Variants in MYO7A observed in about 807,000 individuals in gnomAD.
MYO7A encodes the protein myosin VIIA.
In MYO7A, 210 loss-of-function variants were observed where a neutral mutation model predicts 263.8. The observed-to-expected ratio is 0.80, with a 90% CI of 0.71 to 0.89. The LOEUF (loss-of-function observed/expected upper bound fraction) is 0.89. Ranked by LOEUF, MYO7A falls within the 40% of genes least tolerant of loss-of-function variation. The pLI, the probability that MYO7A is intolerant of heterozygous loss-of-function variation, is 0.00. For missense variants in MYO7A, 2,820 were observed against 2,968.3 expected (o/e 0.95, Z 1.16); for synonymous variants, 1,239 against 1,197.3 (o/e 1.03, Z -0.72).
intron 18 of MYO7A, 145 bp from the exon 19 acceptor site, chr11:77,177,404 G>T (rs1022532182): frequency 1.2e-5 from 8 of 659,080 alleles, no homozygotes; most frequent in Non-Finnish European, 2.1e-5. Flanking sequence ...GCTGCCCCAG[G>T]GGCCAGAGCC....
Position 77,175,474 on chromosome 11 carries a change from G to A in MYO7A, c.2187+10G>A, listed in dbSNP as rs781901819. The stretch of plus-strand genomic sequence containing the variant: ...CAAGATCTTTCTGAAGGTGAGCACA[G>A]ATGCCTTCCCTGGGCTGCCCTGGGG... On this transcript the variant is annotated intron_variant, in intron 18 of 48. Coordinates refer to ENST00000409709, the MANE Select transcript of MYO7A (RefSeq NM_000260.4). 2 of 1,612,546 alleles carry A rather than the reference G, an allele frequency of 1.2e-6. No individual in the cohort carries two copies. The highest frequency in any genetic ancestry group is 3.3e-5 in the Admixed American group (2 of 60,026).
At chr11:77,207,451 AGGAACTT>A (rs770589451) in intron 42 of MYO7A, 49 bp downstream of exon 42, 2 of 1,352,670 alleles carry the variant, frequency 1.5e-6, no homozygotes, top group African/African-American at 2.9e-5. Flanking sequence ...CTGGGGCCAT[AGGAACTT>A]ACGGACAGCA....
chr11:77,195,978 C>T (rs577873650), intron 32 of MYO7A, among the ~76,000 whole-genome samples: 1 of 152,370 alleles, frequency 6.6e-6, no homozygotes, highest in Non-Finnish European at 1.5e-5. Context: ...GATGTGTGCA[C>T]ATGCACGTCT....
intron 38 of MYO7A, among the ~76,000 whole-genome samples, 195 bp downstream of exon 38, chr11:77,203,412 G>C (rs981685732): frequency 1.3e-5 from 2 of 152,244 alleles, no homozygotes; most frequent in African/African-American, 4.8e-5. Flanking sequence ...TGTCATTTGG[G>C]TGCCAGGTGG....
chr11:77,129,869 C>A (rs1475304018), intron 1 of MYO7A, among the ~76,000 whole-genome samples: 1 of 152,192 alleles, frequency 6.6e-6, no homozygotes, highest in Non-Finnish European at 1.5e-5. Flanking sequence ...AACAGTGAGT[C>A]ACTGAGGATG....
Position 77,212,888 on chromosome 11 carries a change from C to A in MYO7A, c.6355-64C>A. On this transcript the variant is annotated intron_variant, in intron 46 of 48. Transcript: ENST00000409709. ...ATCCCAGCTGGGGCCAGGCTTCATT[C>A]CTGTCCCCAAATGCTTTTCTTGCTC... The A allele has an allele frequency of 1.0e-5, 13 of 1,305,862 alleles. No homozygotes were observed. The South Asian group carries it at 1.5e-4, about 15-fold the overall frequency. 80.9% of individuals were successfully genotyped at this position (1,305,862 alleles called of 1,614,324 possible).
chr11:77,190,353 G>A lies in MYO7A; in HGVS notation c.3750+214G>A, dbSNP rs552650205. Among the ~76,000 whole-genome samples the A allele has an allele frequency of 1.1e-4, 17 of 152,304 alleles. No homozygotes were observed. The South Asian group carries it at 1.5e-3, about 13-fold the overall frequency. On this transcript the variant is annotated intron_variant, in intron 29 of 48. Transcript: ENST00000409709. ...GAGGGACTCCATTTGCTGGCCTTAC[G>A]GTCAAGACGACTTGGGCAAAGGAGA...
At chr11:77,177,690 G>A (rs374556009) in intron 19 of MYO7A, 47 bp downstream of exon 19, 3 of 1,498,896 alleles carry the variant, frequency 2.0e-6, no homozygotes, top group Non-Finnish European at 2.7e-6. Context: ...ACATACAGGT[G>A]TACGTGTGGT....
In MYO7A at chr11:77,156,890, T is replaced by C. The variant is rs782148882; in HGVS notation, c.621T>C (p.Asn207=). The part of the protein sequence containing the change: ...EAFGNAKTIR[N]DNSSRFGKYI... ...TTGGGAATGCCAAGACCATCCGCAA[T>C]GACAACTCAAGCCGTTTCGGAAAGT... is the stretch of plus-strand genomic sequence containing the variant. Residue 207 remains asparagine, a synonymous_variant, in exon 7 of 49, where the codon AAT becomes AAC. Coordinates refer to ENST00000409709, the MANE Select transcript of MYO7A (RefSeq NM_000260.4). The C allele has an allele frequency of 6.2e-7, 1 of 1,613,952 alleles. No individual in the cohort carries two copies. The highest frequency in any genetic ancestry group is 1.1e-5 in the South Asian group (1 of 91,080).
At chr11:77,140,274 C>CA (rs1208460794) in intron 2 of MYO7A, among the ~76,000 whole-genome samples, 1 of 152,218 alleles carries the variant, frequency 6.6e-6, no homozygotes, top group Non-Finnish European at 1.5e-5. Flanking sequence ...AGCTTGCCTT[C>CA]AGGGCCCTTG....
chr11:77,132,388 G>A (rs544269593), intron 2 of MYO7A, among the ~76,000 whole-genome samples: 1 of 152,164 alleles, frequency 6.6e-6, no homozygotes, highest in East Asian at 2.0e-4. Context: ...GTCCAGGGAA[G>A]CAGATGAAGG....
rs1555077227 is a variant in MYO7A at position 77,172,833 on chromosome 11, G to A, written c.1883G>A (p.Cys628Tyr). 1.3e-6 allele frequency: 2 copies of A among 1,552,534 alleles called. No individual in the cohort carries two copies. The highest frequency in any genetic ancestry group is 1.2e-5 in the South Asian group (1 of 84,076). The change falls in exon 16 of 49, where the codon TGC becomes TAC. Residue 628 changes from cysteine (C) to tyrosine (Y), a missense_variant. By Grantham distance (194) the Cys-to-Tyr change is radical (BLOSUM62 -2). Transcript: ENST00000409709. ...LELLMRTLGA[C>Y]QPFFVRCIKP... is the part of the protein sequence containing the mutation. The stretch of plus-strand genomic sequence containing the variant: ...CTGCTGATGCGCACGCTGGGTGCCT[G>A]CCAGCCCTTCTTTGTGCGATGCATC...
At chr11:77,150,940 G>T (rs550568802) in intron 4 of MYO7A, among the ~76,000 whole-genome samples, 1 of 152,176 alleles carries the variant, frequency 6.6e-6, no homozygotes, top group Non-Finnish European at 1.5e-5. Flanking sequence ...GCAACCCCCC[G>T]TCCCTTCATG....
Position 77,183,265 on chromosome 11 carries a change from C to T in MYO7A, c.3375+108C>T, listed in dbSNP as rs1955409720. The T allele has an allele frequency of 4.3e-6, 4 of 931,974 alleles. No homozygotes were observed. In the East Asian group the frequency reaches 1.1e-4, roughly 25 times the overall value. 57.7% of individuals were successfully genotyped at this position (931,974 alleles called of 1,614,324 possible). A position where few individuals can be genotyped will look rare whatever the true frequency, so the allele number is the denominator to read the frequency against. The stretch of plus-strand genomic sequence containing the variant: ...CCACGGAAGCAGGAGCAGGAGTGGA[C>T]ACTGTCTGTCCTCAGGGGTCTTGGC... On this transcript the variant is annotated intron_variant, in intron 26 of 48. Transcript: ENST00000409709.
At chr11:77,206,317 C>T in intron 41 of MYO7A, 115 bp downstream of exon 41, 1 of 759,328 alleles carries the variant, frequency 1.3e-6, no homozygotes. Context: ...GCCGCCTCGT[C>T]CTCCTGCCCC....
chr11:77,181,401 C>T lies in MYO7A; in HGVS notation c.2716C>T (p.Arg906Cys), dbSNP rs868923965. The T allele has an allele frequency of 5.1e-6, 8 of 1,574,344 alleles. No individual in the cohort carries two copies. Among genetic ancestry groups the T allele is most frequent in the Non-Finnish European group, 5.2e-6 (6 of 1,160,802 alleles). ...CCAGGAGCGCCTGGCCCAGCTGGCT[C>T]GTGAGGACGCTGAGCGGGAGCTGAA... ...KHQERLAQLA[R>C]EDAERELKEK... The change falls in exon 23 of 49, where the codon CGT becomes TGT. Residue 906 changes from arginine (R) to cysteine (C), a missense_variant. Arg to Cys is a radical substitution (Grantham distance 180). Transcript: ENST00000409709.
intron 15 of MYO7A, among the ~76,000 whole-genome samples, chr11:77,169,278 C>T (rs1470481610): frequency 1.3e-5 from 2 of 152,362 alleles, no homozygotes; most frequent in East Asian, 3.9e-4. Flanking sequence ...CTGGGGCAGC[C>T]GTGGGCAGCC....
intron 44 of MYO7A, among the ~76,000 whole-genome samples, chr11:77,210,156 A>G (rs563198483): frequency 6.6e-6 from 1 of 152,302 alleles, no homozygotes; most frequent in East Asian, 1.9e-4. Context: ...TTGTCATTAT[A>G]TATCTGTTTG....
intron 12 of MYO7A, 123 bp from the exon 13 acceptor site, chr11:77,161,997 A>G (rs568771887): frequency 4.5e-6 from 4 of 890,040 alleles, no homozygotes; most frequent in Non-Finnish European, 6.9e-6. Flanking sequence ...CTCGCCTCTG[A>G]GTTTGGAGTC....
Sources: gnomAD v4.1 joint callset for allele counts (sites outside exome capture counted in the v4.1 genomes callset) on GRCh38, gnomAD v4.1.1 for gene constraint, MANE v1.5 for transcripts, NCBI Gene and HGNC (gene_info 2026-07-23, HGNC 2026-07-21) for gene names.